Variants in DAPK1 observed in about 807,000 individuals in gnomAD.
DAPK1 encodes the protein death associated protein kinase 1, also known as death-associated protein kinase 1.
In DAPK1, 56 loss-of-function variants were observed where a neutral mutation model predicts 144.9. That is an observed-to-expected ratio of 0.39 (90% CI 0.31 to 0.48). DAPK1 has a LOEUF of 0.48. DAPK1 is among the 20% of genes least tolerant of loss of function. The pLI is 0.95. For synonymous variants in DAPK1, 690 were observed against 749.0 expected (o/e 0.92, Z 1.29); for missense variants, 1,454 against 1,875.4 (o/e 0.78, Z 4.15).
In DAPK1 at chr9:87,565,682, C is replaced by T. The variant is rs1827096672; in HGVS notation, c.63-39272C>T. 2.6e-5 allele frequency among the ~76,000 whole-genome samples: 4 copies of T among 152,208 alleles called. No individual in the cohort carries two copies. In the South Asian group the frequency reaches 8.3e-4, roughly 31 times the overall value. On this transcript the variant is annotated intron_variant, in intron 2 of 25. Transcript: ENST00000408954. ...TGAAATCTGAGGTTTGGGCTTGAACCCAGACCTACCATTTTCAATTTACTG... is the reference window on the plus strand; with the variant it reads ...TGAAATCTGAGGTTTGGGCTTGAACTCAGACCTACCATTTTCAATTTACTG...
Position 87,639,425 on chromosome 9 carries a change from C to A in DAPK1, c.495C>A (p.Ala165=). The A allele has an allele frequency of 1.2e-6, 2 of 1,613,216 alleles. No individual in the cohort carries two copies. The highest frequency in any genetic ancestry group is 1.7e-6 in the Non-Finnish European group (2 of 1,179,770). The change falls in exon 5 of 26, where the codon GCC becomes GCA. Residue 165 remains alanine (A), a synonymous_variant. Coordinates refer to ENST00000408954, the MANE Select transcript of DAPK1 (RefSeq NM_004938.4). The part of the protein sequence containing the change: ...PRIKIIDFGL[A]HKIDFGNEFK... ...TCAAGATCATTGACTTTGGGTTGGC[C>A]CATAAAATTGACTTTGGAAATGAAT...
intron 2 of DAPK1, among the ~76,000 whole-genome samples, chr9:87,582,586 G>A (rs1827789954): frequency 7.4e-6 from 1 of 135,580 alleles, no homozygotes; most frequent in Admixed American, 7.7e-5. Context: ...ATGGAATCTT[G>A]CTCTGTTTCC....
chr9:87,656,189 A>C (rs1830619974), intron 17 of DAPK1, among the ~76,000 whole-genome samples: 1 of 152,180 alleles, frequency 6.6e-6, no homozygotes, highest in South Asian at 2.1e-4. Context: ...AAGGGAAGCC[A>C]GTGTGTCTGC....
chr9:87,627,292 A>G (rs1829525829), intron 3 of DAPK1, among the ~76,000 whole-genome samples: 1 of 152,210 alleles, frequency 6.6e-6, no homozygotes, highest in Non-Finnish European at 1.5e-5. Flanking sequence ...AAGCAGGAAA[A>G]TGCTTTTTGC....
chr9:87,552,900 A>G (rs1486911117), intron 2 of DAPK1, among the ~76,000 whole-genome samples: 1 of 152,048 alleles, frequency 6.6e-6, no homozygotes, highest in Non-Finnish European at 1.5e-5. Flanking sequence ...GAGCCTGGCT[A>G]TATTTACCAT....
intron 3 of DAPK1, among the ~76,000 whole-genome samples, chr9:87,615,143 G>T (rs1006849471): frequency 6.6e-6 from 1 of 152,234 alleles, no homozygotes; most frequent in Non-Finnish European, 1.5e-5. Context: ...CTTGCAAAAT[G>T]TGGTTTAACA....
chr9:87,588,348 T>A (rs1828007434), intron 2 of DAPK1, among the ~76,000 whole-genome samples: 1 of 152,236 alleles, frequency 6.6e-6, no homozygotes, highest in African/African-American at 2.4e-5. Flanking sequence ...TTCTGAGCTG[T>A]GATGTCTCTT....
chr9:87,533,807 C>T (rs536238170), intron 2 of DAPK1, among the ~76,000 whole-genome samples: 1 of 152,310 alleles, frequency 6.6e-6, no homozygotes, highest in South Asian at 2.1e-4. Flanking sequence ...GGATTACAGG[C>T]ATATGCCTCC....
In DAPK1 at chr9:87,664,728, C is replaced by T. The variant is rs566378979; in HGVS notation, c.1924-3869C>T. ...TTACCTGTCCACAGCCTGGTCCCCACGCAGCCGCCTGGTCAGACGTAAGTG... is the reference window on the plus strand; with the variant it reads ...TTACCTGTCCACAGCCTGGTCCCCATGCAGCCGCCTGGTCAGACGTAAGTG... On this transcript the variant is annotated intron_variant, in intron 18 of 25. Transcript: ENST00000408954. Among the ~76,000 whole-genome samples the T allele has an allele frequency of 1.2e-4, 19 of 152,362 alleles. No individual in the cohort carries two copies. In the East Asian group the frequency reaches 1.5e-3, roughly 12 times the overall value.
At chr9:87,685,888 A>G (rs1824827089) in intron 20 of DAPK1, among the ~76,000 whole-genome samples, 1 of 152,210 alleles carries the variant, frequency 6.6e-6, no homozygotes, top group African/African-American at 2.4e-5. Flanking sequence ...AAATCCCGCT[A>G]AACGCCAATG....
At chr9:87,691,327 AG>A (rs1204625940) in intron 21 of DAPK1, among the ~76,000 whole-genome samples, 2 of 152,058 alleles carry the variant, frequency 1.3e-5, no homozygotes, top group African/African-American at 2.4e-5. Context: ...TTGTGGCATC[AG>A]TTGTAATACC....
At chr9:87,525,368 G>C (rs1419379159) in intron 2 of DAPK1, 1 of 1,611,020 alleles carries the variant, frequency 6.2e-7, no homozygotes, top group Non-Finnish European at 8.5e-7. Context: ...CTCTTGTTGC[G>C]TGTGTTCAAA....
chr9:87,615,718 T>C (rs1829071951), intron 3 of DAPK1, among the ~76,000 whole-genome samples: 2 of 152,234 alleles, frequency 1.3e-5, no homozygotes, highest in South Asian at 4.1e-4. Flanking sequence ...TCAGCCACAG[T>C]GGGCGCCTCC....
intron 2 of DAPK1, among the ~76,000 whole-genome samples, chr9:87,584,664 T>TTGTG (rs113125719): frequency 0.37 from 51,942 of 140,194 alleles, 9,353 homozygotes; most frequent in Non-Finnish European, 0.43. Context: ...TGATAGCTCA[T>TTGTG]TGTGTGTGTG....
Position 87,528,426 on chromosome 9 carries a change from C to T in DAPK1, c.62+29287C>T, listed in dbSNP as rs575529949. Among the ~76,000 whole-genome samples the T allele has an allele frequency of 1.1e-4, 16 of 152,204 alleles. No individual in the cohort carries two copies. The East Asian group carries it at 2.5e-3, about 24-fold the overall frequency. ...AGAGATGGGGTTTCGCCACGTTGGC[C>T]AGGCTGGTCTCGAGCTCCTGACCTC... On this transcript the variant is annotated intron_variant, in intron 2 of 25. Coordinates refer to ENST00000408954, the MANE Select transcript of DAPK1 (RefSeq NM_004938.4).
At position 87,706,938 on chromosome 9, in the gene DAPK1, C is replaced by T. The variant is rs779492060; in HGVS notation, c.3867C>T (p.Asp1289=). ...GCATCATGTGCTTCGGGTGTCACGA[C>T]GTCTACTCACAGGCCAGCCTCGGCA... ...FSSIMCFGCH[D]VYSQASLGMD... Residue 1289 remains aspartate (D), a synonymous_variant, in exon 26 of 26, where the codon GAC becomes GAT. Transcript: ENST00000408954. The surrounding 1 kb of genome is among the most constrained non-coding windows in gnomAD (Gnocchi z 9.0). 7 of 1,613,462 alleles carry T rather than the reference C, an allele frequency of 4.3e-6. No individual in the cohort carries two copies. The highest frequency in any genetic ancestry group is 1.3e-5 in the African/African-American group (1 of 75,032).
At chr9:87,612,059 C>T (rs774296069) in intron 3 of DAPK1, among the ~76,000 whole-genome samples, 20 of 152,150 alleles carry the variant, frequency 1.3e-4, no homozygotes, top group Non-Finnish European at 2.2e-4. Flanking sequence ...AAAGGCATCG[C>T]GTGGCAAGAG....
At chr9:87,653,265 C>G (rs1186203804) in intron 17 of DAPK1, among the ~76,000 whole-genome samples, 1 of 152,126 alleles carries the variant, frequency 6.6e-6, no homozygotes, top group Non-Finnish European at 1.5e-5. Flanking sequence ...CCCCCCAATC[C>G]TGGGTCCTGA....
chr9:87,569,399 G>T (rs1266486638), intron 2 of DAPK1, among the ~76,000 whole-genome samples: 1 of 152,218 alleles, frequency 6.6e-6, no homozygotes, highest in South Asian at 2.1e-4. Context: ...TACCTCCAGC[G>T]AGACTCAGGT....
Sources: gnomAD v4.1 joint callset for allele counts (sites outside exome capture counted in the v4.1 genomes callset) on GRCh38, gnomAD v4.1.1 for gene constraint, Gnocchi (gnomAD v3.1) non-coding constraint, MANE v1.5 for transcripts, NCBI Gene and HGNC (gene_info 2026-07-23, HGNC 2026-07-21) for gene names.